MROH2B: variants seen among roughly 807,000 people sequenced by gnomAD.
The protein encoded by MROH2B is maestro heat like repeat family member 2B, also known as maestro heat-like repeat-containing protein family member 2B.
In MROH2B, 177 loss-of-function variants were observed where a neutral mutation model predicts 208.6. That is an observed-to-expected ratio of 0.85 (90% CI 0.75 to 0.96). The LOEUF (loss-of-function observed/expected upper bound fraction) is 0.96, where lower values mean the gene tolerates loss of function less well. Ranked by LOEUF, MROH2B falls within the 40% of genes least tolerant of loss-of-function variation. The probability of loss-of-function intolerance (pLI) is 0.00; values close to 1 mark genes in which losing one functional copy is unlikely to be tolerated. For missense variants in MROH2B, 2,002 were observed against 1,878.7 expected, an observed-to-expected ratio of 1.07 and a Z score of -1.21; for synonymous variants, 728 against 659.0, an observed-to-expected ratio of 1.10 and a Z score of -1.60.
At position 41,009,331 on chromosome 5, in the gene MROH2B, G is replaced by A. The variant is rs374046523; in HGVS notation, c.3369C>T (p.Asp1123=). 1.8e-5 allele frequency: 29 copies of A among 1,613,802 alleles called. No individual in the cohort carries two copies. The highest frequency in any genetic ancestry group is 2.7e-5 in the African/African-American group (2 of 74,914). The change falls in exon 32 of 42, where the codon GAC becomes GAT. Residue 1123 remains aspartate (D), a synonymous_variant. Transcript: ENST00000399564. ...SSGKLLQALI[D]KLETELEDDI... is the part of the protein sequence containing the mutation. Reference sequence around the variant, plus strand: ...CATCTTCTAACTCAGTCTCCAGTTTGTCTATTAAGGCTTGCAAGAGTTTCC... The same window carrying A: ...CATCTTCTAACTCAGTCTCCAGTTTATCTATTAAGGCTTGCAAGAGTTTCC...
In MROH2B at chr5:40,998,659, A is replaced by C. The variant is rs769992321; in HGVS notation, c.4604T>G (p.Leu1535Trp). 6.3e-7 allele frequency: 1 copy of C among 1,588,528 alleles called. No individual in the cohort carries two copies. Among genetic ancestry groups the C allele is most frequent in the East Asian group, 2.3e-5 (1 of 44,148 alleles). ...TAGTAACTCCACATATTGGCTGGTC[A>C]AATTGAGAACAACGGCATCTAAAGT... is the stretch of plus-strand genomic sequence containing the variant. ...VKLTDAVVLN[L>W]TSQYVELLDR... The change falls in exon 41 of 42, where the codon TTG becomes TGG. Residue 1535 changes from leucine to tryptophan, a missense_variant. Coordinates refer to ENST00000399564, the MANE Select transcript of MROH2B (RefSeq NM_173489.5).
In MROH2B at chr5:41,061,597, C is replaced by G. The variant is rs1270248003; in HGVS notation, c.588G>C (p.Lys196Asn). 8 of 1,613,456 alleles carry G rather than the reference C, an allele frequency of 5.0e-6. No individual in the cohort carries two copies. The highest frequency in any genetic ancestry group is 6.8e-6 in the Non-Finnish European group (8 of 1,179,658). The change falls in exon 6 of 42, where the codon AAG (lysine) becomes AAC (asparagine). Residue 196 changes from lysine (K) to asparagine (N), a missense_variant. Transcript: ENST00000399564. ...GCATGGGTGAGGCCAAAGGGGCCCA[C>G]TTCTCCATTATATACCAGAACAGCA... Reference protein sequence around the residue: ...IFMLFWYIMEKWAPLASPMQT... With the variant: ...IFMLFWYIMENWAPLASPMQT...
rs189760711 is a variant in MROH2B at position 41,004,754 on chromosome 5, C to A, written c.4011+20G>T. On this transcript the variant is annotated intron_variant, in intron 36 of 41. Coordinates refer to ENST00000399564, the MANE Select transcript of MROH2B (RefSeq NM_173489.5). ...AAAACTCTACTTAAATGAACCATTT[C>A]CCCTTAAAACGCCTTTTACCTTGTG... The A allele has an allele frequency of 3.3e-4, 535 of 1,605,050 alleles. 1 individual carries two copies. Among genetic ancestry groups the A allele is most frequent in the Non-Finnish European group, 4.0e-4 (476 of 1,177,058 alleles).
chr5:41,056,499 G>C (rs1743456751), intron 9 of MROH2B, among the ~76,000 whole-genome samples: 1 of 152,150 alleles, frequency 6.6e-6, no homozygotes, highest in Admixed American at 6.5e-5. Flanking sequence ...CAGAGGTCCA[G>C]GAGGTATTGG....
intron 24 of MROH2B, among the ~76,000 whole-genome samples, chr5:41,031,353 C>T (rs1579930928): frequency 6.6e-6 from 1 of 152,190 alleles, no homozygotes; most frequent in African/African-American, 2.4e-5. Flanking sequence ...GAGGAAACCA[C>T]TCCCATGATC....
chr5:41,034,059 G>T (rs1024896159), intron 21 of MROH2B, 195 bp from the exon 22 acceptor site: 10 of 984,876 alleles, frequency 1.0e-5, no homozygotes, highest in African/African-American at 1.7e-5. Flanking sequence ...TTGTACATTT[G>T]CAGAGTCTTT....
intron 24 of MROH2B, among the ~76,000 whole-genome samples, chr5:41,027,561 A>T (rs1742414758): frequency 1.3e-5 from 2 of 152,204 alleles, no homozygotes; most frequent in South Asian, 4.1e-4. Flanking sequence ...GAGGATGTGG[A>T]GAAATAGGAA....
At chr5:41,028,076 A>G (rs753649863) in intron 24 of MROH2B, among the ~76,000 whole-genome samples, 13 of 152,190 alleles carry the variant, frequency 8.5e-5, no homozygotes, top group Non-Finnish European at 1.8e-4. Flanking sequence ...ATTAGGAGAT[A>G]TACCTAATGT....
chr5:41,015,450 C>T lies in MROH2B; in HGVS notation c.2913G>A (p.Gln971=). Residue 971 remains glutamine (Q), a synonymous_variant, in exon 29 of 42, where the codon CAG becomes CAA. Coordinates refer to ENST00000399564, the MANE Select transcript of MROH2B (RefSeq NM_173489.5). ...KGIHLEVERL[Q]GLQEGLESDD... is the part of the protein sequence containing the mutation. The stretch of plus-strand genomic sequence containing the variant: ...CACTTTCCAGCCCTTCCTGCAAACC[C>T]TGCAGTCTTTCCACTTCCAAGTGAA... 1 of 1,613,544 alleles carries T rather than the reference C, an allele frequency of 6.2e-7. No individual in the cohort carries two copies.
chr5:41,006,441 A>G (rs577166953), intron 34 of MROH2B, among the ~76,000 whole-genome samples: 1 of 152,370 alleles, frequency 6.6e-6, no homozygotes, highest in East Asian at 1.9e-4. Context: ...TTCTTAAAGA[A>G]CTAAAAGTAG....
Position 41,048,288 on chromosome 5 carries a change from C to T in MROH2B, c.1684+36G>A, listed in dbSNP as rs757598673. 2.0e-5 allele frequency: 32 copies of T among 1,563,334 alleles called. No homozygotes were observed. The East Asian group carries it at 7.1e-4, about 35-fold the overall frequency. ...GGTGCATTATTTCTTTATGTTCTTG[C>T]CCCCTGGGTAAAGACCTGGCCCCAA... On this transcript the variant is annotated intron_variant, in intron 16 of 41. Coordinates refer to ENST00000399564, the MANE Select transcript of MROH2B (RefSeq NM_173489.5).
In MROH2B at chr5:41,005,422, C is replaced by CA. The variant is rs561229673; in HGVS notation, c.3864+108_3864+109insT. 19 of 151,070 alleles carry CA rather than the reference C, an allele frequency of 1.3e-4. No individual in the cohort carries two copies. The East Asian group carries it at 1.5e-3, about 12-fold the overall frequency. The allele number at this position is 151,070 out of a possible 1,614,324, so 9.4% of individuals were successfully genotyped here. On this transcript the variant is annotated intron_variant, in intron 35 of 41. Transcript: ENST00000399564. ...GTCTCTCCTCTATGAAACCCCCCCC[C>CA]CCCTTGAAGTCTCTCTTCCCTGGTT...
rs1743747249 is a variant in MROH2B, at chr5:41,064,695, G to C, written c.362-125C>G. ...GGAGGCAGATGAGGTGTAGTAGAAA[G>C]ATGTTTCTATAATTCCGCCATCTCT... On this transcript the variant is annotated intron_variant, in intron 4 of 41. Transcript: ENST00000399564. 18 of 604,316 alleles carry C rather than the reference G, an allele frequency of 3.0e-5. No homozygotes were observed. In the South Asian group the frequency reaches 3.2e-4, roughly 11 times the overall value. 37.4% of individuals were successfully genotyped at this position (604,316 alleles called of 1,614,324 possible). A position where few individuals can be genotyped will look rare whatever the true frequency, so the allele number is the denominator to read the frequency against.
intron 7 of MROH2B, 21 bp downstream of exon 7, chr5:41,058,042 C>G (rs1322448694): frequency 5.3e-6 from 8 of 1,514,338 alleles, no homozygotes; most frequent in Non-Finnish European, 7.1e-6. Flanking sequence ...TGATTCAGTT[C>G]CTTTAGGGTA....
intron 2 of MROH2B, among the ~76,000 whole-genome samples, chr5:41,069,264 T>G (rs775540969): frequency 1.4e-4 from 21 of 152,218 alleles, no homozygotes; most frequent in Non-Finnish European, 2.8e-4. Context: ...TCTTTTATTT[T>G]ATAAAAGGTT....
At chr5:41,019,744 T>C (rs2111877116) in intron 24 of MROH2B, among the ~76,000 whole-genome samples, 1 of 152,320 alleles carries the variant, frequency 6.6e-6, no homozygotes, top group East Asian at 1.9e-4. Context: ...AAGATTCTCT[T>C]AGAGAGGAAT....
Position 41,017,859 on chromosome 5 carries a change from A to G in MROH2B, c.2875T>C (p.Tyr959His). Residue 959 changes from tyrosine to histidine, a missense_variant, in exon 28 of 42, where the codon TAT becomes CAT. Tyr to His is a moderately conservative substitution (Grantham distance 83, BLOSUM62 2). Coordinates refer to ENST00000399564, the MANE Select transcript of MROH2B (RefSeq NM_173489.5). ...AAASSTIGLF[Y>H]IKGIHLEVER... ...CCCATCTTTCCCTCACCTTTTATAT[A>G]GAACAGACCAATAGTTGAGCTAGCA... 1.3e-6 allele frequency: 2 copies of G among 1,594,072 alleles called. No homozygotes were observed. Among genetic ancestry groups the G allele is most frequent in the Non-Finnish European group, 1.7e-6 (2 of 1,170,190 alleles).
At chr5:41,031,446 G>A (rs897128496) in intron 24 of MROH2B, among the ~76,000 whole-genome samples, 1 of 152,118 alleles carries the variant, frequency 6.6e-6, no homozygotes, top group Non-Finnish European at 1.5e-5. Flanking sequence ...TGAGATTTGG[G>A]TGGGGACCCA....
At chr5:41,017,516 T>C (rs930442438) in intron 28 of MROH2B, among the ~76,000 whole-genome samples, 1 of 152,198 alleles carries the variant, frequency 6.6e-6, no homozygotes, top group African/African-American at 2.4e-5. Flanking sequence ...TTATAATGCT[T>C]CAGTGTTATT....
Sources: gnomAD v4.1 joint callset for allele counts (sites outside exome capture counted in the v4.1 genomes callset) on GRCh38, gnomAD v4.1.1 for gene constraint, MANE v1.5 for transcripts, NCBI Gene and HGNC (gene_info 2026-07-23, HGNC 2026-07-21) for gene names.